Variants in COL23A1 observed in about 807,000 individuals in gnomAD.
COL23A1 encodes the protein collagen alpha-1(XXIII) chain.
In COL23A1, 97 loss-of-function variants were observed where a neutral mutation model predicts 99.3. The ratio of observed to expected loss-of-function variants is 0.98; its 90% CI spans 0.83 to 1.16. The LOEUF is 1.16. COL23A1 is among the 50% of genes most tolerant of loss of function. The probability of loss-of-function intolerance (pLI) is 0.00; values close to 1 mark genes in which losing one functional copy is unlikely to be tolerated. For synonymous variants in COL23A1, 320 were observed against 308.2 expected, an observed-to-expected ratio of 1.04 and a Z score of -0.40; for missense variants, 762 against 757.4, an observed-to-expected ratio of 1.01 and a Z score of -0.07.
At position 178,544,960 on chromosome 5, in the gene COL23A1, C is replaced by T. The variant is rs530297; in HGVS notation, c.361+15722G>A. Reference sequence around the variant, plus strand: ...CAAAATTTAGCCAGGTGTGGTGGCACGTGCCTGTAGTCCCAGCTACTTGGG... The same window carrying T: ...CAAAATTTAGCCAGGTGTGGTGGCATGTGCCTGTAGTCCCAGCTACTTGGG... On this transcript the variant is annotated intron_variant, in intron 2 of 28. Coordinates refer to ENST00000390654, the MANE Select transcript of COL23A1 (RefSeq NM_173465.4). The surrounding 1 kb of genome is among the most constrained non-coding windows in gnomAD (Gnocchi z 4.4). Among the ~76,000 whole-genome samples, 5 of 152,044 alleles carry T rather than the reference C, an allele frequency of 3.3e-5. No homozygotes were observed. Among genetic ancestry groups the T allele is most frequent in the Non-Finnish European group, 5.9e-5 (4 of 67,996 alleles).
intron 5 of COL23A1, 68 bp downstream of exon 5, chr5:178,288,256 G>T: frequency 1.5e-6 from 2 of 1,309,632 alleles, no homozygotes; most frequent in Non-Finnish European, 2.2e-6. Context: ...GTTAAATCAA[G>T]GCTCAGGGAA....
rs885307 is a variant in COL23A1 at position 178,526,240 on chromosome 5, C to T, written c.361+34442G>A. ...TCCAGTAGTACCCTTCTGGCTGCCC[C>T]GGGAACTGCCCCTTTGCCTGGATCA... On this transcript the variant is annotated intron_variant, in intron 2 of 28. Transcript: ENST00000390654. 8.4e-3 allele frequency among the ~76,000 whole-genome samples: 1,285 copies of T among 152,296 alleles called. 22 individuals carry two copies. The highest frequency in any genetic ancestry group is 0.029 in the African/African-American group (1,218 of 41,564).
Position 178,365,389 on chromosome 5 carries a change from G to A in COL23A1, c.362-58470C>T, listed in dbSNP as rs142736856. 1.4e-3 allele frequency among the ~76,000 whole-genome samples: 219 copies of A among 152,178 alleles called. 5 individuals carry two copies. In the South Asian group the frequency reaches 0.032, roughly 22 times the overall value. On this transcript the variant is annotated intron_variant, in intron 2 of 28. Coordinates refer to ENST00000390654, the MANE Select transcript of COL23A1 (RefSeq NM_173465.4). This position sits in a 1 kb window ranked among gnomAD's most constrained non-coding sequence, Gnocchi z 5.2. ...ATGGCCTCAGGCAGCTCAAGGCTTA[G>A]CTTCCCACTGGCCTCCTCCCTCCCG...
Position 178,263,318 on chromosome 5 carries a change from G to C in COL23A1, c.529C>G (p.Gln177Glu). Residue 177 changes from glutamine (Q) to glutamate (E), a missense_variant, in exon 9 of 29, where the codon CAA becomes GAA. By Grantham distance (29) the Gln-to-Glu change is conservative (BLOSUM62 2). Coordinates refer to ENST00000390654, the MANE Select transcript of COL23A1 (RefSeq NM_173465.4). Reference sequence around the variant, plus strand: ...GGCCCAGCAGCTCCATCTTGTCCTTGGTCTCCCTGAAAGAGATGGGGCTTG... The same window carrying C: ...GGCCCAGCAGCTCCATCTTGTCCTTCGTCTCCCTGAAAGAGATGGGGCTTG... ...APGDFGPRGD[Q>E]GQDGAAGPPG... The C allele has an allele frequency of 6.3e-7, 1 of 1,592,564 alleles. No individual in the cohort carries two copies. The highest frequency in any genetic ancestry group is 8.5e-7 in the Non-Finnish European group (1 of 1,171,026).
intron 2 of COL23A1, among the ~76,000 whole-genome samples, chr5:178,336,137 C>T (rs1183103787): frequency 6.6e-6 from 1 of 152,234 alleles, no homozygotes; most frequent in Non-Finnish European, 1.5e-5. Flanking sequence ...CACAGGCTGG[C>T]ACACACATTA....
intron 2 of COL23A1, among the ~76,000 whole-genome samples, chr5:178,529,585 A>G (rs1429939290): frequency 6.6e-6 from 1 of 152,216 alleles, no homozygotes; most frequent in East Asian, 1.9e-4. Context: ...TTATTTTGTC[A>G]TGCCACTCAG....
chr5:178,335,487 T>A (rs1478902201), intron 2 of COL23A1, among the ~76,000 whole-genome samples: 1 of 152,234 alleles, frequency 6.6e-6, no homozygotes, highest in Non-Finnish European at 1.5e-5. Context: ...GACTTCCTGC[T>A]TATTTCATGA....
intron 2 of COL23A1, among the ~76,000 whole-genome samples, chr5:178,430,221 C>T (rs918586139): frequency 6.6e-6 from 1 of 152,196 alleles, no homozygotes; most frequent in African/African-American, 2.4e-5. Context: ...CTCCCGAGAA[C>T]GATCACACCC....
chr5:178,387,660 G>A lies in COL23A1; in HGVS notation c.362-80741C>T, dbSNP rs980076933. 6.6e-6 allele frequency among the ~76,000 whole-genome samples: 1 copy of A among 152,252 alleles called. No homozygotes were observed. Among genetic ancestry groups the A allele is most frequent in the African/African-American group, 2.4e-5 (1 of 41,540 alleles). On this transcript the variant is annotated intron_variant, in intron 2 of 28. Coordinates refer to ENST00000390654, the MANE Select transcript of COL23A1 (RefSeq NM_173465.4). The surrounding 1 kb of genome is among the most constrained non-coding windows in gnomAD (Gnocchi z 4.7). ...ACCATTTACCTTTTATCCCCAGTACGAATACAAAGATAAGGTCAAAGAACA... is the reference window on the plus strand; with the variant it reads ...ACCATTTACCTTTTATCCCCAGTACAAATACAAAGATAAGGTCAAAGAACA...
At chr5:178,452,112 A>AT (rs1427551701) in intron 2 of COL23A1, among the ~76,000 whole-genome samples, 1 of 152,206 alleles carries the variant, frequency 6.6e-6, no homozygotes, top group East Asian at 1.9e-4. Context: ...ACCACGATGT[A>AT]TTATAAAGTC....
intron 2 of COL23A1, among the ~76,000 whole-genome samples, chr5:178,486,400 C>A (rs1757629063): frequency 6.6e-6 from 1 of 152,172 alleles, no homozygotes; most frequent in Non-Finnish European, 1.5e-5. Context: ...GCAGAGAATA[C>A]CCGAGGGTGA....
At chr5:178,536,929 G>A (rs900449224) in intron 2 of COL23A1, among the ~76,000 whole-genome samples, 5 of 152,176 alleles carry the variant, frequency 3.3e-5, no homozygotes, top group African/African-American at 7.2e-5. Context: ...GTTCTACCAC[G>A]GGGCCTGCAC....
At chr5:178,500,717 A>T (rs569935388) in intron 2 of COL23A1, among the ~76,000 whole-genome samples, 1 of 152,172 alleles carries the variant, frequency 6.6e-6, no homozygotes, top group African/African-American at 2.4e-5. Flanking sequence ...TAGATAAACA[A>T]CTTAAATGTG....
At chr5:178,575,256 T>C (rs1267694147) in intron 1 of COL23A1, among the ~76,000 whole-genome samples, 1 of 152,160 alleles carries the variant, frequency 6.6e-6, no homozygotes, top group African/African-American at 2.4e-5. Flanking sequence ...TAAGGGATAA[T>C]TGGGCAGTTA....
intron 2 of COL23A1, among the ~76,000 whole-genome samples, chr5:178,473,585 A>T (rs544388412): frequency 6.8e-6 from 1 of 148,008 alleles, no homozygotes; most frequent in Non-Finnish European, 1.5e-5. Flanking sequence ...GAGTGCTGGG[A>T]TTATACTATG....
intron 1 of COL23A1, among the ~76,000 whole-genome samples, chr5:178,575,505 A>C (rs534829797): frequency 6.6e-6 from 1 of 152,296 alleles, no homozygotes; most frequent in African/African-American, 2.4e-5. Context: ...CCTCACTAGG[A>C]GCTCCTGCAG....
intron 2 of COL23A1, among the ~76,000 whole-genome samples, chr5:178,421,094 T>C (rs1765610732): frequency 6.6e-6 from 1 of 152,072 alleles, no homozygotes; most frequent in African/African-American, 2.4e-5. Context: ...TCTTAATAAA[T>C]AGGCTGGTCT....
intron 2 of COL23A1, among the ~76,000 whole-genome samples, chr5:178,518,547 G>GCGCCC (rs1253349102): frequency 6.7e-6 from 1 of 149,150 alleles, no homozygotes; most frequent in Non-Finnish European, 1.5e-5. Context: ...CTCAGACGGG[G>GCGCCC]CGGCCGGGCA....
intron 2 of COL23A1, among the ~76,000 whole-genome samples, chr5:178,508,019 TTC>T (rs1255664154): frequency 1.5e-3 from 29 of 19,502 alleles, no homozygotes; most frequent in East Asian, 0.01. Context: ...TTATTTTTTC[TTC>T]TTCTTCTTCT....
Sources: gnomAD v4.1 joint callset for allele counts (sites outside exome capture counted in the v4.1 genomes callset) on GRCh38, gnomAD v4.1.1 for gene constraint, Gnocchi (gnomAD v3.1) non-coding constraint, MANE v1.5 for transcripts, NCBI Gene and HGNC (gene_info 2026-07-23, HGNC 2026-07-21) for gene names.